The following EGFR variants were observed in gnomAD, a reference collection of about 807,000 sequenced individuals.
EGFR encodes avian erythroblastic leukemia viral (v-erb-b) oncogene homolog.
EGFR carries 58 observed loss-of-function variants against 143.0 expected under a neutral mutation model. The observed-to-expected ratio is 0.41, with a 90% CI of 0.33 to 0.50. The LOEUF (loss-of-function observed/expected upper bound fraction) is 0.50, where lower values mean the gene tolerates loss of function less well. Ranked by LOEUF, EGFR falls within the 20% of genes least tolerant of loss-of-function variation. The probability of loss-of-function intolerance (pLI) is 0.39; values close to 1 mark genes in which losing one functional copy is unlikely to be tolerated. For synonymous variants in EGFR, 613 were observed against 594.4 expected (o/e 1.03, Z -0.45); for missense variants, 1,307 against 1,579.0 (o/e 0.83, Z 2.92).
At chr7:55,155,271 G>A (rs532074406) in intron 7 of EGFR, among the ~76,000 whole-genome samples, 6 of 152,272 alleles carry the variant, frequency 3.9e-5, no homozygotes, top group East Asian at 1.9e-4. Flanking sequence ...GTGAAACCTC[G>A]TCTCTACTAA....
chr7:55,160,950 T>C (rs1401804303), intron 12 of EGFR, among the ~76,000 whole-genome samples: 1 of 152,336 alleles, frequency 6.6e-6, no homozygotes, highest in Middle Eastern at 3.4e-3. Flanking sequence ...TTCCTGTGTG[T>C]AAAACCCTTC....
chr7:55,042,355 T>C (rs1447741678), intron 1 of EGFR, among the ~76,000 whole-genome samples: 4 of 152,338 alleles, frequency 2.6e-5, no homozygotes, highest in South Asian at 4.1e-4. Flanking sequence ...TGCTGTCTGA[T>C]TGAACCTTCC....
rs2128938730 is a variant in EGFR, at chr7:55,156,793, C to G, written c.1168C>G (p.Gln390Glu). 6.2e-7 allele frequency: 1 copy of G among 1,614,190 alleles called. No homozygotes were observed. The highest frequency in any genetic ancestry group is 1.1e-5 in the South Asian group (1 of 91,082). ...CACACATACTCCTCCTCTGGATCCA[C>G]AGGAACTGGATATTCTGAAAACCGT... is the stretch of plus-strand genomic sequence containing the variant. ...SFTHTPPLDPQELDILKTVKE... is the reference protein window; with the variant it reads ...SFTHTPPLDPEELDILKTVKE... Residue 390 changes from glutamine (Q) to glutamate (E), a missense_variant, in exon 10 of 28, where the codon CAG (glutamine) becomes GAG (glutamate). This residue lies in a region of EGFR where 250 missense variants were observed against 295.1 expected (regional missense o/e 0.85). Transcript: ENST00000275493.
At chr7:55,161,434 G>T in intron 12 of EGFR, 65 bp from the exon 13 acceptor site, 1 of 1,562,450 alleles carries the variant, frequency 6.4e-7, no homozygotes, top group Non-Finnish European at 8.6e-7. Flanking sequence ...GGAAGGTGCC[G>T]TCTCCTCCGG....
intron 3 of EGFR, among the ~76,000 whole-genome samples, chr7:55,144,229 A>G (rs928610136): frequency 6.6e-6 from 1 of 152,216 alleles, no homozygotes; most frequent in East Asian, 1.9e-4. Context: ...TGAAGGCGTC[A>G]TTAGGTCGGA....
At chr7:55,153,919 C>T (rs2128934641) in intron 6 of EGFR, 92 bp from the exon 7 acceptor site, 2 of 1,587,460 alleles carry the variant, frequency 1.3e-6, no homozygotes, top group Non-Finnish European at 1.7e-6. Context: ...CTTGGGCTTT[C>T]TGACGGGAGT....
intron 22 of EGFR, among the ~76,000 whole-genome samples, chr7:55,193,722 G>A (rs769515584): frequency 9.2e-5 from 14 of 152,162 alleles, no homozygotes; most frequent in Non-Finnish European, 1.8e-4. Flanking sequence ...GTGTATTTGA[G>A]GAGAACACTA....
intron 21 of EGFR, 150 bp from the exon 22 acceptor site, chr7:55,192,616 C>G: frequency 1.4e-6 from 1 of 727,390 alleles, no homozygotes. Flanking sequence ...CCCCTGTTGC[C>G]GGGAGGAGGC....
intron 1 of EGFR, among the ~76,000 whole-genome samples, chr7:55,065,676 C>G (rs902338160): frequency 6.6e-6 from 1 of 152,090 alleles, no homozygotes; most frequent in Non-Finnish European, 1.5e-5. Context: ...TGAGTTCAAG[C>G]GTCCCCAGAA....
chr7:55,165,775 A>G (rs2128946926), intron 15 of EGFR, among the ~76,000 whole-genome samples: 1 of 152,364 alleles, frequency 6.6e-6, no homozygotes, highest in East Asian at 1.9e-4. Flanking sequence ...TCTAAGGTTA[A>G]CATGGGGATT....
In EGFR at chr7:55,146,646, C is replaced by A. The variant is rs1464928884; in HGVS notation, c.465C>A (p.Ala155=). The change falls in exon 4 of 28, where the codon GCC becomes GCA. Residue 155 remains alanine, a synonymous_variant. Transcript: ENST00000275493. ...HGAVRFSNNP[A]LCNVESIQWR... ...CCGTGCGGTTCAGCAACAACCCTGC[C>A]CTGTGCAACGTGGAGAGCATCCAGT... is the stretch of plus-strand genomic sequence containing the variant. The A allele has an allele frequency of 6.2e-7, 1 of 1,613,942 alleles. No individual in the cohort carries two copies. The highest frequency in any genetic ancestry group is 8.5e-7 in the Non-Finnish European group (1 of 1,179,976).
chr7:55,143,410 T>C lies in EGFR; in HGVS notation c.346T>C (p.Ser116Pro). 1 of 1,614,200 alleles carries C rather than the reference T, an allele frequency of 6.2e-7. No individual in the cohort carries two copies. Among genetic ancestry groups the C allele is most frequent in the Non-Finnish European group, 8.5e-7 (1 of 1,180,032 alleles). The change falls in exon 3 of 28, where the codon TCC becomes CCC. Residue 116 changes from serine (S) to proline (P), a missense_variant. Transcript: ENST00000275493. ...CAGAGGAAATATGTACTACGAAAAT[T>C]CCTATGCCTTAGCAGTCTTATCTAA... is the stretch of plus-strand genomic sequence containing the variant. ...IIRGNMYYEN[S>P]YALAVLSNYD... is the part of the protein sequence containing the mutation.
chr7:55,140,155 G>A (rs1794381705), intron 1 of EGFR, among the ~76,000 whole-genome samples: 2 of 151,828 alleles, frequency 1.3e-5, no homozygotes, highest in African/African-American at 2.4e-5. Context: ...ATCTTAAATG[G>A]CATGTTTTCC....
At chr7:55,084,667 T>G (rs1367824095) in intron 1 of EGFR, among the ~76,000 whole-genome samples, 2 of 152,206 alleles carry the variant, frequency 1.3e-5, no homozygotes, top group Admixed American at 1.3e-4. Flanking sequence ...ACTGGAATGG[T>G]CAGAGGATGG....
intron 1 of EGFR, among the ~76,000 whole-genome samples, chr7:55,030,337 T>C (rs1445296172): frequency 6.6e-6 from 1 of 152,242 alleles, no homozygotes; most frequent in Non-Finnish European, 1.5e-5. Context: ...TTTCTGTATA[T>C]TTCTGTGTAT....
At position 55,156,723 on chromosome 7, in the gene EGFR, A is replaced by G. The variant is rs764949314; in HGVS notation, c.1134-36A>G. The G allele has an allele frequency of 6.2e-7, 1 of 1,614,166 alleles. No homozygotes were observed. The highest frequency in any genetic ancestry group is 8.5e-7 in the Non-Finnish European group (1 of 1,179,980). On this transcript the variant is annotated intron_variant, in intron 9 of 27. Transcript: ENST00000275493. ...AAATCTGCCTTTTTAACTGGTAGAGATTGGTGATCAATAATCACCCTGTTG... is the reference window on the plus strand; with the variant it reads ...AAATCTGCCTTTTTAACTGGTAGAGGTTGGTGATCAATAATCACCCTGTTG...
chr7:55,158,027 C>G (rs995426023), intron 11 of EGFR, among the ~76,000 whole-genome samples: 3 of 152,248 alleles, frequency 2.0e-5, no homozygotes, highest in African/African-American at 7.2e-5. Flanking sequence ...CAAATCTTTT[C>G]AGTCCATTTC....
At chr7:55,124,789 C>T (rs1331724605) in intron 1 of EGFR, among the ~76,000 whole-genome samples, 1 of 152,216 alleles carries the variant, frequency 6.6e-6, no homozygotes, top group Non-Finnish European at 1.5e-5. Flanking sequence ...CCTGAGCCTC[C>T]AGTGCTCCTA....
At chr7:55,194,198 C>G (rs1787521240) in intron 22 of EGFR, among the ~76,000 whole-genome samples, 1 of 151,710 alleles carries the variant, frequency 6.6e-6, no homozygotes. Flanking sequence ...CATCTATGCT[C>G]CAGACAGAGG....
Sources: gnomAD v4.1 joint callset for allele counts (sites outside exome capture counted in the v4.1 genomes callset) on GRCh38, gnomAD v4.1.1 for gene constraint, gnomAD v4.1.1 regional missense constraint, MANE v1.5 for transcripts, NCBI Gene and HGNC (gene_info 2026-07-23, HGNC 2026-07-21) for gene names.